Variants in RECK observed in about 807,000 individuals in gnomAD.
RECK encodes the protein reversion-inducing cysteine-rich protein with Kazal motifs.
Under a neutral mutation model 115.1 loss-of-function variants are expected in RECK, and 69 were observed. The ratio of observed to expected loss-of-function variants is 0.60; its 90% CI spans 0.49 to 0.73. RECK has a LOEUF of 0.73. RECK is among the 30% of genes least tolerant of loss of function. RECK has a pLI of 0.00. For missense variants in RECK, 1,047 were observed against 1,203.7 expected (o/e 0.87, Z 1.93); for synonymous variants, 414 against 419.7 (o/e 0.99, Z 0.17).
chr9:36,083,689 T>G (rs1822825880), intron 8 of RECK, 127 bp downstream of exon 8: 1 of 1,047,238 alleles, frequency 9.5e-7, no homozygotes, highest in Non-Finnish European at 1.4e-6. Flanking sequence ...CCTTTGGTAT[T>G]TAGATTTGGC....
intron 12 of RECK, among the ~76,000 whole-genome samples, chr9:36,103,204 G>A (rs958814748): frequency 2.6e-5 from 4 of 152,184 alleles, no homozygotes; most frequent in Non-Finnish European, 4.4e-5. Context: ...CCACCAGGGG[G>A]CATCTGTGCC....
rs115596773 is a variant in RECK at position 36,096,823 on chromosome 9, G to A, written c.1086-3508G>A. On this transcript the variant is annotated intron_variant, in intron 10 of 20. Coordinates refer to ENST00000377966, the MANE Select transcript of RECK (RefSeq NM_021111.3). ...GAAAAAAATGAATTAGACTTCAACC[G>A]TAAAATCTTTTGTTTGCCAAAAGAC... Among the ~76,000 whole-genome samples, 1,114 of 152,132 alleles carry A rather than the reference G, an allele frequency of 7.3e-3. 12 individuals carry two copies. The highest frequency in any genetic ancestry group is 0.024 in the African/African-American group (991 of 41,526).
At chr9:36,074,631 T>C (rs1442420819) in intron 6 of RECK, among the ~76,000 whole-genome samples, 1 of 152,198 alleles carries the variant, frequency 6.6e-6, no homozygotes, top group Non-Finnish European at 1.5e-5. Flanking sequence ...AAAAATTTTA[T>C]AGACTTTTTC....
Position 36,052,163 on chromosome 9 carries a change from A to C in RECK, c.101-102A>C, listed in dbSNP as rs79379858. ...TTGAGTTAAAATTAATAATAATAAT[A>C]ATCATCATCTACTGAATAAATGGTT... On this transcript the variant is annotated intron_variant, in intron 1 of 20. Transcript: ENST00000377966. 9.7e-3 allele frequency: 6,742 copies of C among 694,382 alleles called. 239 individuals are homozygous for C. Among genetic ancestry groups the C allele is most frequent in the African/African-American group, 0.089 (5,046 of 56,472 alleles). 43.0% of individuals were successfully genotyped at this position (694,382 alleles called of 1,614,324 possible). A position where few individuals can be genotyped will look rare whatever the true frequency, so the allele number is the denominator to read the frequency against.
At chr9:36,037,587 GCAGGAGACATTAAAAAT>G (rs1221436713) in intron 1 of RECK, among the ~76,000 whole-genome samples, 1 of 151,904 alleles carries the variant, frequency 6.6e-6, no homozygotes, top group Non-Finnish European at 1.5e-5. Flanking sequence ...CTGGACTCGG[GCAGGAGACATTAAAAAT>G]CAGTAAACCC....
intron 1 of RECK, among the ~76,000 whole-genome samples, chr9:36,037,354 C>T (rs993018726): frequency 6.6e-6 from 1 of 151,808 alleles, no homozygotes; most frequent in Admixed American, 6.6e-5. Context: ...GACACGGGCC[C>T]CCTCTTCGGC....
Position 36,120,751 on chromosome 9 carries a change from AT to A in RECK, c.2538+17del, listed in dbSNP as rs1474663103. 3.3e-6 allele frequency: 5 copies of A among 1,495,140 alleles called. No individual in the cohort carries two copies. In the African/African-American group the frequency reaches 4.1e-5, roughly 12 times the overall value. 92.6% of individuals were successfully genotyped at this position (1,495,140 alleles called of 1,614,324 possible). A position where few individuals can be genotyped will look rare whatever the true frequency, so the allele number is the denominator to read the frequency against. On this transcript the variant is annotated intron_variant, in intron 19 of 20. Transcript: ENST00000377966. ...CTATTGCTAAGGTAAATTGCTTTAT[AT>A]TCAGATGCTATTGAAATCTTATTGC...
intron 10 of RECK, among the ~76,000 whole-genome samples, chr9:36,096,367 T>A (rs7046478): frequency 0.017 from 2,585 of 151,672 alleles, 75 homozygotes; most frequent in African/African-American, 0.06. Context: ...TGAAACCTCG[T>A]CTCTACTAAA....
At chr9:36,078,001 T>G (rs902928503) in intron 6 of RECK, among the ~76,000 whole-genome samples, 2 of 151,624 alleles carry the variant, frequency 1.3e-5, no homozygotes, top group Non-Finnish European at 2.9e-5. Context: ...CTGGGCAACA[T>G]AGCAAAACCC....
At chr9:36,102,022 A>G (rs1162632450) in intron 11 of RECK, 72 bp from the exon 12 acceptor site, 2 of 1,438,484 alleles carry the variant, frequency 1.4e-6, no homozygotes, top group Non-Finnish European at 1.9e-6. Context: ...AAGCTTCAGA[A>G]ACAAGTGATG....
chr9:36,054,743 AC>A (rs1444422095), intron 2 of RECK, among the ~76,000 whole-genome samples: 1 of 146,232 alleles, frequency 6.8e-6, no homozygotes, highest in East Asian at 1.9e-4. Flanking sequence ...TTTTGGACTT[AC>A]AAAAATGTAT....
intron 2 of RECK, 135 bp downstream of exon 2, chr9:36,052,458 C>A: frequency 1.8e-6 from 1 of 557,408 alleles, no homozygotes; most frequent in Admixed American, 2.9e-5. Context: ...CATAGCAAGA[C>A]CCCTGTCTCT....
In RECK at chr9:36,087,913, A is replaced by G; in HGVS notation, c.857A>G (p.Asp286Gly). Residue 286 changes from aspartate (D) to glycine (G), a missense_variant, in exon 9 of 21, where the codon GAT becomes GGT. Transcript: ENST00000377966. ...CACCCTCCTCCCTCTACAGGCCTCG[A>G]TGGGGCTAAATTGCATTGTTGTTCT... The part of the protein sequence containing the change: ...TVHPPPSTGL[D>G]GAKLHCCSKA... 1 of 1,613,578 alleles carries G rather than the reference A, an allele frequency of 6.2e-7. No individual in the cohort carries two copies. Among genetic ancestry groups the G allele is most frequent in the East Asian group, 2.2e-5 (1 of 44,872 alleles).
intron 6 of RECK, among the ~76,000 whole-genome samples, chr9:36,078,900 A>G (rs1822563030): frequency 6.6e-6 from 1 of 151,856 alleles, no homozygotes; most frequent in South Asian, 2.1e-4. Context: ...TTGTTTATTT[A>G]TTTATTTATT....
Position 36,060,231 on chromosome 9 carries a change from C to T in RECK, c.271+76C>T, listed in dbSNP as rs189756708. On this transcript the variant is annotated intron_variant, in intron 4 of 20. Transcript: ENST00000377966. ...GTGAATGTAAAATTGGTGTCATTGT[C>T]CTGGAACCTAATTTATACTCTGGAG... The T allele has an allele frequency of 2.0e-5, 29 of 1,421,512 alleles. No homozygotes were observed. In the East Asian group the frequency reaches 4.3e-4, roughly 21 times the overall value. The allele number at this position is 1,421,512 out of a possible 1,614,324, so 88.1% of individuals were successfully genotyped here.
Position 36,091,135 on chromosome 9 carries a change from C to A in RECK, c.906-29C>A, listed in dbSNP as rs758231132. ...AAATATTTACTTGGTTGGCTCATGT[C>A]GGCTTCTGCATTTGTGCTCTTGTTT... On this transcript the variant is annotated intron_variant, in intron 9 of 20. Transcript: ENST00000377966. The A allele has an allele frequency of 1.9e-6, 3 of 1,608,160 alleles. No individual in the cohort carries two copies. The South Asian group carries it at 3.3e-5, about 18-fold the overall frequency.
At chr9:36,049,468 A>C (rs531684449) in intron 1 of RECK, among the ~76,000 whole-genome samples, 6 of 152,078 alleles carry the variant, frequency 3.9e-5, no homozygotes, top group Non-Finnish European at 8.8e-5. Flanking sequence ...GAATTGTCTT[A>C]TGCCACATGT....
At chr9:36,074,939 C>T (rs1822389962) in intron 6 of RECK, among the ~76,000 whole-genome samples, 1 of 152,238 alleles carries the variant, frequency 6.6e-6, no homozygotes, top group Admixed American at 6.5e-5. Flanking sequence ...GCTGGGCACA[C>T]TCATCTGTCT....
At chr9:36,046,024 T>G (rs1300110963) in intron 1 of RECK, among the ~76,000 whole-genome samples, 1 of 152,250 alleles carries the variant, frequency 6.6e-6, no homozygotes, top group Non-Finnish European at 1.5e-5. Flanking sequence ...ACACTCATAC[T>G]GATGTCTTTA....
Sources: allele counts gnomAD v4.1 joint callset (sites outside exome capture counted in the v4.1 genomes callset), GRCh38; gene constraint gnomAD v4.1.1; transcripts MANE v1.5; gene names NCBI Gene and HGNC (gene_info 2026-07-23, HGNC 2026-07-21).